The following AKAP12 variants were observed in gnomAD, a reference collection of about 807,000 sequenced individuals.
AKAP12 encodes A-kinase anchoring protein 12.
AKAP12 carries 32 observed loss-of-function variants against 79.9 expected under a neutral mutation model. The ratio of observed to expected loss-of-function variants is 0.40; its 90% CI spans 0.30 to 0.54. The LOEUF (loss-of-function observed/expected upper bound fraction) is 0.54, where lower values mean the gene tolerates loss of function less well. AKAP12 is among the 20% of genes least tolerant of loss of function. The pLI is 0.48. For missense variants in AKAP12, 2,074 were observed against 2,177.0 expected (o/e 0.95, Z 0.94); for synonymous variants, 808 against 857.0 (o/e 0.94, Z 1.00).
chr6:151,341,080 C>G (rs1241987931), intron 3 of AKAP12, among the ~76,000 whole-genome samples: 5 of 142,688 alleles, frequency 3.5e-5, no homozygotes, highest in African/African-American at 1.3e-4. Context: ...TTGACACAGT[C>G]TTGCCCTGTC....
intron 2 of AKAP12, among the ~76,000 whole-genome samples, chr6:151,243,000 A>C (rs1797007605): frequency 6.6e-6 from 1 of 152,226 alleles, no homozygotes; most frequent in African/African-American, 2.4e-5. Flanking sequence ...ACTGATTATG[A>C]TAGTGACTAA....
intron 3 of AKAP12, chr6:151,341,834 A>G: frequency 7.9e-7 from 1 of 1,273,642 alleles, no homozygotes; most frequent in Non-Finnish European, 1.0e-6. Context: ...CAGGCTTGGG[A>G]AAGCCTCTCT....
At chr6:151,245,630 C>G (rs2114675993) in intron 2 of AKAP12, among the ~76,000 whole-genome samples, 1 of 124,638 alleles carries the variant, frequency 8.0e-6, no homozygotes, top group East Asian at 2.3e-4. Flanking sequence ...GCAGTCCAGC[C>G]TGGGCGACAG....
chr6:151,259,845 G>A (rs955115857), intron 2 of AKAP12, among the ~76,000 whole-genome samples: 4 of 151,804 alleles, frequency 2.6e-5, no homozygotes, highest in African/African-American at 7.3e-5. Context: ...CCAAAGCGCC[G>A]GGATTACAGG....
chr6:151,348,115 T>C (rs1778154947), intron 3 of AKAP12, among the ~76,000 whole-genome samples: 1 of 151,738 alleles, frequency 6.6e-6, no homozygotes, highest in Admixed American at 6.6e-5. Flanking sequence ...ATCGTGCCTC[T>C]GCACTCCAGC....
rs377245112 is a variant in AKAP12, at chr6:151,349,342, G to A, written c.951G>A (p.Lys317=). 38 of 1,613,950 alleles carry A rather than the reference G, an allele frequency of 2.4e-5. No individual in the cohort carries two copies. The highest frequency in any genetic ancestry group is 3.2e-5 in the Non-Finnish European group (38 of 1,180,020). ...AAAAGACCAGTTTCAGGAAGCCGAAGGAGGATGAAGTGGAAGCTTCAGAGA... is the reference window on the plus strand; with the variant it reads ...AAAAGACCAGTTTCAGGAAGCCGAAAGAGGATGAAGTGGAAGCTTCAGAGA... ...WRKKTSFRKP[K]EDEVEASEKK... The change falls in exon 4 of 5, where the codon AAG becomes AAA. Residue 317 remains lysine (K), a synonymous_variant. Transcript: ENST00000402676.
At chr6:151,330,603 C>T (rs1401436456) in intron 3 of AKAP12, among the ~76,000 whole-genome samples, 5 of 151,998 alleles carry the variant, frequency 3.3e-5, no homozygotes, top group African/African-American at 1.2e-4. Context: ...ATGAACATGT[C>T]GTTTCTGCAG....
At chr6:151,255,390 A>G (rs1797272483) in intron 2 of AKAP12, among the ~76,000 whole-genome samples, 1 of 151,994 alleles carries the variant, frequency 6.6e-6, no homozygotes, top group Admixed American at 6.5e-5. Context: ...CGAACTCCTG[A>G]CATCAGGTGA....
In AKAP12 at chr6:151,299,122, T is replaced by C. The variant is rs180883613; in HGVS notation, c.163-6625T>C. ...GTCAGGAGCCTGTAGTGGCCTGCTGTAGAACTGTGATATGCTTGGCTCCGT... is the reference window on the plus strand; with the variant it reads ...GTCAGGAGCCTGTAGTGGCCTGCTGCAGAACTGTGATATGCTTGGCTCCGT... On this transcript the variant is annotated intron_variant, in intron 2 of 4. Coordinates refer to ENST00000402676, the MANE Select transcript of AKAP12 (RefSeq NM_005100.4). 2.3e-3 allele frequency among the ~76,000 whole-genome samples: 343 copies of C among 152,336 alleles called. 1 individual carries two copies. The highest frequency in any genetic ancestry group is 3.6e-3 in the Non-Finnish European group (242 of 68,030).
Position 151,352,793 on chromosome 6 carries a change from C to G in AKAP12, c.4402C>G (p.Pro1468Ala), listed in dbSNP as rs377666663. 2.5e-6 allele frequency: 4 copies of G among 1,614,142 alleles called. No individual in the cohort carries two copies. Among genetic ancestry groups the G allele is most frequent in the South Asian group, 1.1e-5 (1 of 91,074 alleles). Residue 1468 changes from proline (P) to alanine (A), a missense_variant, in exon 4 of 5, where the codon CCA becomes GCA. Coordinates refer to ENST00000402676, the MANE Select transcript of AKAP12 (RefSeq NM_005100.4). Reference sequence around the variant, plus strand: ...AAAAAATGAAGACTTTGCCGCTCATCCAGGGGAAGATGCTGTGCCCACAGG... The same window carrying G: ...AAAAAATGAAGACTTTGCCGCTCATGCAGGGGAAGATGCTGTGCCCACAGG... ...SEKNEDFAAH[P>A]GEDAVPTGPD...
At chr6:151,267,783 T>C (rs922044361) in intron 2 of AKAP12, among the ~76,000 whole-genome samples, 1 of 152,206 alleles carries the variant, frequency 6.6e-6, no homozygotes, top group African/African-American at 2.4e-5. Flanking sequence ...AGGCTTTTCA[T>C]AGGCAAAAAA....
intron 2 of AKAP12, among the ~76,000 whole-genome samples, chr6:151,281,896 C>T (rs1023887982): frequency 2.0e-5 from 3 of 151,968 alleles, no homozygotes; most frequent in African/African-American, 7.3e-5. Flanking sequence ...GATGAGGTCT[C>T]CCTGTGTTGC....
chr6:151,274,408 G>A (rs915856356), intron 2 of AKAP12, among the ~76,000 whole-genome samples: 1 of 152,062 alleles, frequency 6.6e-6, no homozygotes, highest in African/African-American at 2.4e-5. Flanking sequence ...TCACCTGGGG[G>A]TGTGGTGATG....
intron 3 of AKAP12, among the ~76,000 whole-genome samples, chr6:151,319,041 GAAAT>G (rs1476171739): frequency 6.6e-6 from 1 of 152,100 alleles, no homozygotes; most frequent in Non-Finnish European, 1.5e-5. Context: ...CCTAGGTAAA[GAAAT>G]AAATATATGT....
intron 2 of AKAP12, among the ~76,000 whole-genome samples, chr6:151,245,116 A>C (rs1390642263): frequency 6.6e-6 from 1 of 152,166 alleles, no homozygotes; most frequent in Non-Finnish European, 1.5e-5. Context: ...AATGCTAATA[A>C]ATTATTTATT....
At chr6:151,345,932 T>TGAGAGAGAGA (rs56202215) in intron 3 of AKAP12, among the ~76,000 whole-genome samples, 2 of 101,376 alleles carry the variant, frequency 2.0e-5, no homozygotes, top group African/African-American at 8.7e-5. Context: ...TGTGTGTGTG[T>TGAGAGAGAGA]GAGAGAGAGA....
At chr6:151,249,823 C>T (rs550477977) in intron 2 of AKAP12, among the ~76,000 whole-genome samples, 1 of 152,312 alleles carries the variant, frequency 6.6e-6, no homozygotes, top group Non-Finnish European at 1.5e-5. Flanking sequence ...AACATCTGAT[C>T]AATTATAATA....
At chr6:151,246,819 T>C (rs1174723183) in intron 2 of AKAP12, among the ~76,000 whole-genome samples, 1 of 152,158 alleles carries the variant, frequency 6.6e-6, no homozygotes, top group Non-Finnish European at 1.5e-5. Flanking sequence ...TGGAATGCAG[T>C]GGTGCAATCT....
intron 3 of AKAP12, among the ~76,000 whole-genome samples, chr6:151,342,616 C>T (rs1777981249): frequency 1.3e-5 from 2 of 152,174 alleles, no homozygotes; most frequent in Non-Finnish European, 2.9e-5. Flanking sequence ...CTTAGGATTA[C>T]TTATGTTAAA....
Sources: allele counts gnomAD v4.1 joint callset (sites outside exome capture counted in the v4.1 genomes callset), GRCh38; gene constraint gnomAD v4.1.1; transcripts MANE v1.5; gene names NCBI Gene and HGNC (gene_info 2026-07-23, HGNC 2026-07-21).